LRRC28: variants seen among roughly 807,000 people sequenced by gnomAD.
LRRC28 encodes the protein leucine rich repeat containing 28, also known as leucine-rich repeat-containing protein 28.
LRRC28 carries 39 observed loss-of-function variants against 45.7 expected under a neutral mutation model. The observed-to-expected ratio is 0.85, with a 90% confidence interval of 0.66 to 1.12. LRRC28 has a LOEUF of 1.12. LRRC28 is among the 50% of genes most tolerant of loss of function. The pLI, the probability that LRRC28 is intolerant of heterozygous loss-of-function variation, is 0.00. For missense variants in LRRC28, 435 were observed against 438.5 expected (o/e 0.99, Z 0.07); for synonymous variants, 206 against 178.8 (o/e 1.15, Z -1.22).
intron 9 of LRRC28, among the ~76,000 whole-genome samples, chr15:99,380,414 T>C (rs1423382014): frequency 6.6e-6 from 1 of 152,208 alleles, no homozygotes; most frequent in Non-Finnish European, 1.5e-5. Flanking sequence ...ATCCCTTTAT[T>C]TTGAGCCTGT....
chr15:99,298,037 G>A (rs781727214), intron 5 of LRRC28, among the ~76,000 whole-genome samples: 30 of 151,766 alleles, frequency 2.0e-4, no homozygotes, highest in Non-Finnish European at 4.1e-4. Context: ...AAAGTTCATT[G>A]CTACAATACT....
At chr15:99,252,697 C>T (rs2152117769) in intron 1 of LRRC28, among the ~76,000 whole-genome samples, 1 of 152,186 alleles carries the variant, frequency 6.6e-6, no homozygotes, top group East Asian at 1.9e-4. Context: ...GTGGTCTTGA[C>T]ATAGTTGGAT....
intron 6 of LRRC28, chr15:99,338,246 C>A (rs1285071392): frequency 6.6e-6 from 1 of 151,694 alleles, no homozygotes; most frequent in Non-Finnish European, 1.5e-5. Context: ...GAATTCAGTT[C>A]TGTGTTTAGG....
At chr15:99,356,197 A>C (rs1488614277) in intron 7 of LRRC28, among the ~76,000 whole-genome samples, 3 of 152,346 alleles carry the variant, frequency 2.0e-5, no homozygotes, top group Non-Finnish European at 4.4e-5. Flanking sequence ...ATTACAAGAC[A>C]TGTAAAGAAT....
chr15:99,259,666 A>T, intron 2 of LRRC28: 1 of 1,401,708 alleles, frequency 7.1e-7, no homozygotes, highest in Non-Finnish European at 1.0e-6. Flanking sequence ...GGAAGAAAAC[A>T]TTTGAAATTA....
chr15:99,273,879 A>G (rs1298264165), intron 2 of LRRC28, among the ~76,000 whole-genome samples: 1 of 152,210 alleles, frequency 6.6e-6, no homozygotes. Flanking sequence ...TTTTGGACAA[A>G]TCTTTCCTTT....
rs1378699549 is a variant in LRRC28 at position 99,386,967 on chromosome 15, C to T, written c.*865C>T. The T allele has an allele frequency of 6.6e-6, 1 of 152,116 alleles. No individual in the cohort carries two copies. The highest frequency in any genetic ancestry group is 6.5e-5 in the Admixed American group (1 of 15,278). 9.4% of individuals were successfully genotyped at this position (152,116 alleles called of 1,614,324 possible). On this transcript the variant is annotated 3_prime_UTR_variant, in exon 10 of 10. Transcript: ENST00000301981. ...GAAAACACACATTGAAATAAGACCT[C>T]CGTGTTCTTTTTTGATGGGTTTATG...
rs909119546 is a variant in LRRC28 at position 99,304,438 on chromosome 15, C to CT, written c.385+16496dup. ...TTTATATATATTCCTTTTCTTTTTT[C>CT]TTTTTTTTTCAAGACAGGGTCTTAC... On this transcript the variant is annotated intron_variant, in intron 5 of 9. Transcript: ENST00000301981. Among the ~76,000 whole-genome samples, 6 of 148,634 alleles carry CT rather than the reference C, an allele frequency of 4.0e-5. No individual in the cohort carries two copies. In the South Asian group the frequency reaches 6.4e-4, roughly 16 times the overall value.
At chr15:99,378,520 G>A (rs1472634823) in intron 9 of LRRC28, among the ~76,000 whole-genome samples, 200 of 152,084 alleles carry the variant, frequency 1.3e-3, no homozygotes, top group African/African-American at 3.8e-3. Context: ...TCCTAATTCA[G>A]TACCCTTTAT....
intron 5 of LRRC28, among the ~76,000 whole-genome samples, chr15:99,321,129 AT>A (rs1326689426): frequency 6.6e-6 from 1 of 152,246 alleles, no homozygotes; most frequent in East Asian, 1.9e-4. Flanking sequence ...TATCCTTATC[AT>A]TTTGGGGGTA....
At chr15:99,314,016 A>G (rs1040194066) in intron 5 of LRRC28, among the ~76,000 whole-genome samples, 2 of 152,140 alleles carry the variant, frequency 1.3e-5, no homozygotes, top group Admixed American at 6.6e-5. Context: ...TGATTTCTAG[A>G]GTTATGAATA....
chr15:99,339,382 A>T (rs1469847482), intron 6 of LRRC28, among the ~76,000 whole-genome samples: 1 of 152,180 alleles, frequency 6.6e-6, no homozygotes, highest in Non-Finnish European at 1.5e-5. Context: ...AAAACAAGAA[A>T]ACAAAAGTTG....
intron 7 of LRRC28, among the ~76,000 whole-genome samples, chr15:99,352,716 C>G (rs1371459304): frequency 2.0e-5 from 3 of 152,112 alleles, no homozygotes; most frequent in Non-Finnish European, 4.4e-5. Context: ...TATTTCCCCC[C>G]ACACACCCCA....
intron 9 of LRRC28, among the ~76,000 whole-genome samples, chr15:99,373,056 T>C (rs1356866780): frequency 6.6e-6 from 1 of 152,114 alleles, no homozygotes; most frequent in African/African-American, 2.4e-5. Flanking sequence ...CACCGGGTCC[T>C]TCCCACGACA....
intron 5 of LRRC28, among the ~76,000 whole-genome samples, chr15:99,302,458 G>C (rs1955018027): frequency 6.6e-6 from 1 of 151,140 alleles, no homozygotes; most frequent in Non-Finnish European, 1.5e-5. Context: ...GCGCAATCTT[G>C]GCTCACTGCA....
intron 6 of LRRC28, among the ~76,000 whole-genome samples, chr15:99,334,676 T>A (rs1376015865): frequency 2.0e-5 from 3 of 152,192 alleles, no homozygotes; most frequent in Non-Finnish European, 4.4e-5. Flanking sequence ...CTGACCCATT[T>A]TGACATATTA....
In LRRC28 at chr15:99,387,562, A is replaced by G. The variant is rs1340252661; in HGVS notation, c.*1460A>G. On this transcript the variant is annotated 3_prime_UTR_variant, in exon 10 of 10. Transcript: ENST00000301981. ...AAAGTCCATAAACAGAAAGTCTGTG[A>G]GCCTCCACCCTGCCAGAAAGAACTC... The G allele has an allele frequency of 6.6e-6, 1 of 152,222 alleles. No homozygotes were observed. Among genetic ancestry groups the G allele is most frequent in the Non-Finnish European group, 1.5e-5 (1 of 68,042 alleles). The allele number at this position is 152,222 out of a possible 1,614,324, so 9.4% of individuals were successfully genotyped here.
intron 3 of LRRC28, among the ~76,000 whole-genome samples, chr15:99,277,688 T>C (rs1323737466): frequency 3.9e-5 from 6 of 152,236 alleles, no homozygotes; most frequent in Non-Finnish European, 4.4e-5. Flanking sequence ...ACTTGCTTTA[T>C]CAAGTTTTTG....
intron 6 of LRRC28, among the ~76,000 whole-genome samples, chr15:99,340,549 G>A (rs1268839387): frequency 6.6e-6 from 1 of 152,248 alleles, no homozygotes; most frequent in Non-Finnish European, 1.5e-5. Flanking sequence ...GGAGATGAGT[G>A]TAAACTGTAC....
Sources: allele counts gnomAD v4.1 joint callset (sites outside exome capture counted in the v4.1 genomes callset), GRCh38; gene constraint gnomAD v4.1.1; transcripts MANE v1.5; gene names NCBI Gene and HGNC (gene_info 2026-07-23, HGNC 2026-07-21).